ERLIN1: variants seen among roughly 807,000 people sequenced by gnomAD.
ERLIN1 encodes the protein ER lipid raft associated 1, also known as erlin-1.
ERLIN1 carries 24 observed loss-of-function variants against 46.9 expected under a neutral mutation model. That is an observed-to-expected ratio of 0.51 (90% CI 0.37 to 0.72). The LOEUF (loss-of-function observed/expected upper bound fraction) is 0.72, where lower values mean the gene tolerates loss of function less well. Ranked by LOEUF, ERLIN1 falls within the 30% of genes least tolerant of loss-of-function variation. The pLI is 0.00. For synonymous variants in ERLIN1, 158 were observed against 143.2 expected (o/e 1.10, Z -0.74); for missense variants, 293 against 417.9 (o/e 0.70, Z 2.61).
intron 7 of ERLIN1, among the ~76,000 whole-genome samples, chr10:100,166,441 T>C (rs1324243793): frequency 6.7e-6 from 1 of 149,050 alleles, no homozygotes; most frequent in African/African-American, 2.5e-5. Context: ...AAAAAAAAAA[T>C]TAAGAAAAAG....
Position 100,176,083 on chromosome 10 carries a change from T to C in ERLIN1, c.305-13A>G. On this transcript the variant is annotated splice_polypyrimidine_tract_variant and intron_variant, in intron 4 of 10. Transcript: ENST00000421367. ...ACGATATCAAACACTGAAGGAGAGG[T>C]ACAACCCATGTTTGTTTTACCCAAC... The C allele has an allele frequency of 1.2e-6, 2 of 1,604,756 alleles. No homozygotes were observed. Among genetic ancestry groups the C allele is most frequent in the Middle Eastern group, 3.3e-4 (2 of 6,038 alleles).
intron 7 of ERLIN1, among the ~76,000 whole-genome samples, chr10:100,165,622 G>A (rs372874438): frequency 3.3e-5 from 5 of 151,998 alleles, no homozygotes; most frequent in African/African-American, 4.8e-5. Flanking sequence ...TCCTGACCTC[G>A]TGATCCGCCC....
Position 100,185,567 on chromosome 10 carries a change from C to T in ERLIN1, c.60G>A (p.Leu20=). The part of the protein sequence containing the change: ...VAAVVGLVAV[L]LYASIHKIEE... ...CAATCTTGTGGATGGAGGCGTAGAG[C>T]AGGACAGCCACCAACCCCACCACTG... The change falls in exon 1 of 11, where the codon CTG becomes CTA. Residue 20 remains leucine, a synonymous_variant. Transcript: ENST00000421367. The T allele has an allele frequency of 6.2e-7, 1 of 1,614,040 alleles. No homozygotes were observed. The highest frequency in any genetic ancestry group is 8.5e-7 in the Non-Finnish European group (1 of 1,179,890).
At chr10:100,155,500 GTTTATTTATTT>G (rs1411278375) in intron 9 of ERLIN1, among the ~76,000 whole-genome samples, 42 of 151,016 alleles carry the variant, frequency 2.8e-4, no homozygotes, top group African/African-American at 1.0e-3. Flanking sequence ...TCGTGATGGG[GTTTATTTATTT>G]TTAATTTTTT....
rs1323758141 is a variant in ERLIN1, at chr10:100,185,881, G to A, written c.-255C>T. 5 of 525,182 alleles carry A rather than the reference G, an allele frequency of 9.5e-6. No homozygotes were observed. The highest frequency in any genetic ancestry group is 1.7e-5 in the Non-Finnish European group (5 of 295,984). 32.5% of individuals were successfully genotyped at this position (525,182 alleles called of 1,614,324 possible). ...CCTGAAACTCCCTCTCCCAAGGGTC[G>A]CTCCCGGGTGGAAGGCACTAACTGA... On this transcript the variant is annotated 5_prime_UTR_variant, in exon 1 of 11. Transcript: ENST00000421367.
intron 2 of ERLIN1, among the ~76,000 whole-genome samples, chr10:100,181,317 A>G (rs771123962): frequency 6.6e-6 from 1 of 152,200 alleles, no homozygotes; most frequent in Non-Finnish European, 1.5e-5. Flanking sequence ...ATCTATGGTT[A>G]CTTTATGAAG....
intron 10 of ERLIN1, 66 bp from the exon 11 acceptor site, chr10:100,152,418 A>G: frequency 1.1e-6 from 1 of 914,554 alleles, no homozygotes; most frequent in Non-Finnish European, 1.8e-6. Context: ...CTCTCTCCCT[A>G]TATACATTTC....
chr10:100,155,505 TTTATTTTTAA>T (rs1161924042), intron 9 of ERLIN1, among the ~76,000 whole-genome samples: 11 of 133,382 alleles, frequency 8.2e-5, no homozygotes, highest in African/African-American at 9.7e-5. Context: ...ATGGGGTTTA[TTTATTTTTAA>T]TTTTTTTTTT....
At position 100,156,201 on chromosome 10, in the gene ERLIN1, C is replaced by T. The variant is rs943655200; in HGVS notation, c.689G>A (p.Arg230Gln). The change falls in exon 9 of 11, where the codon CGG becomes CAG. Residue 230 changes from arginine to glutamine, a missense_variant. By Grantham distance (43) the Arg-to-Gln change is conservative. Coordinates refer to ENST00000421367, the MANE Select transcript of ERLIN1 (RefSeq NM_006459.4). ...TTTTTCCATCACTTTCTGCTGAAAC[C>T]GAATTTTTGCCACTTGTGCAATCTT... ...AEKIAQVAKI[R>Q]FQQKVMEKET... 3.1e-6 allele frequency: 5 copies of T among 1,613,038 alleles called. No individual in the cohort carries two copies. Among genetic ancestry groups the T allele is most frequent in the Non-Finnish European group, 4.2e-6 (5 of 1,179,292 alleles).
intron 8 of ERLIN1, among the ~76,000 whole-genome samples, chr10:100,161,017 T>A (rs1843340232): frequency 6.6e-6 from 1 of 152,238 alleles, no homozygotes; most frequent in Non-Finnish European, 1.5e-5. Context: ...AGATTGAAAC[T>A]TTATTAACCA....
chr10:100,176,949 C>T (rs1159398247), intron 4 of ERLIN1, among the ~76,000 whole-genome samples: 4 of 152,096 alleles, frequency 2.6e-5, no homozygotes, highest in African/African-American at 9.7e-5. Context: ...TGGTGAAACA[C>T]TGTCTCTACT....
At chr10:100,166,292 C>T (rs955097576) in intron 7 of ERLIN1, among the ~76,000 whole-genome samples, 2 of 151,990 alleles carry the variant, frequency 1.3e-5, no homozygotes, top group Admixed American at 6.6e-5. Context: ...TGGTGGCATG[C>T]ACTGGTAGTC....
At position 100,151,802 on chromosome 10, in the gene ERLIN1, C is replaced by G. The variant is rs1173785255; in HGVS notation, c.*329G>C. On this transcript the variant is annotated 3_prime_UTR_variant, in exon 11 of 11. Transcript: ENST00000421367. ...CGAATGTAAACATTATTCAACAGAT[C>G]TCAGCTTAGGAAAACACAGCTTGTT... The G allele has an allele frequency of 2.7e-6, 1 of 368,864 alleles. No individual in the cohort carries two copies. The highest frequency in any genetic ancestry group is 5.2e-6 in the Non-Finnish European group (1 of 190,780). The allele number at this position is 368,864 out of a possible 1,614,324, so 22.8% of individuals were successfully genotyped here.
intron 6 of ERLIN1, 105 bp downstream of exon 6, chr10:100,174,103 A>G (rs1267642278): frequency 1.4e-6 from 1 of 718,032 alleles, no homozygotes; most frequent in African/African-American, 1.8e-5. Context: ...TCTATAAATC[A>G]CCATAGCATC....
At position 100,185,747 on chromosome 10, in the gene ERLIN1, G is replaced by T. The variant is rs775431999; in HGVS notation, c.-121C>A. The T allele has an allele frequency of 5.5e-5, 42 of 761,422 alleles. No individual in the cohort carries two copies. The highest frequency in any genetic ancestry group is 9.7e-5 in the Non-Finnish European group (42 of 434,706). 47.2% of individuals were successfully genotyped at this position (761,422 alleles called of 1,614,324 possible). The stretch of plus-strand genomic sequence containing the variant: ...GCGCTCTCTCGCAGGCTGAGCCGGG[G>T]AGTCCAGTACCCCTGTCCCCTCATT... On this transcript the variant is annotated 5_prime_UTR_variant, in exon 1 of 11. Transcript: ENST00000421367.
At chr10:100,168,951 T>C (rs1159721661) in intron 6 of ERLIN1, among the ~76,000 whole-genome samples, 2 of 152,194 alleles carry the variant, frequency 1.3e-5, no homozygotes, top group African/African-American at 2.4e-5. Context: ...CCCAAAGTGC[T>C]GGGATTACAG....
At chr10:100,181,657 G>A (rs1055902262) in intron 2 of ERLIN1, among the ~76,000 whole-genome samples, 2 of 151,818 alleles carry the variant, frequency 1.3e-5, no homozygotes, top group African/African-American at 4.8e-5. Context: ...TGGGATTACA[G>A]GCACGCACAA....
At chr10:100,159,821 AAACTT>A (rs1000847600) in intron 8 of ERLIN1, among the ~76,000 whole-genome samples, 1 of 151,988 alleles carries the variant, frequency 6.6e-6, no homozygotes, top group African/African-American at 2.4e-5. Context: ...GAAAAGACTT[AAACTT>A]AACTATCCAA....
At chr10:100,171,578 T>A (rs1024351447) in intron 6 of ERLIN1, among the ~76,000 whole-genome samples, 19 of 152,032 alleles carry the variant, frequency 1.2e-4, no homozygotes, top group African/African-American at 3.4e-4. Context: ...CCTAATTTTT[T>A]AAAAAAATTT....
Sources: allele counts gnomAD v4.1 joint callset (sites outside exome capture counted in the v4.1 genomes callset), GRCh38; gene constraint gnomAD v4.1.1; transcripts MANE v1.5; gene names NCBI Gene and HGNC (gene_info 2026-07-23, HGNC 2026-07-21).